The following ALDH8A1 variants were observed in gnomAD, a reference collection of about 807,000 sequenced individuals.
ALDH8A1 encodes the protein 2-aminomuconic semialdehyde dehydrogenase.
In ALDH8A1, 39 loss-of-function variants were observed where a neutral mutation model predicts 43.3. That is an observed-to-expected ratio of 0.90 (90% CI 0.70 to 1.18). The LOEUF is 1.18. ALDH8A1 is among the 50% of genes most tolerant of loss of function. The probability of loss-of-function intolerance (pLI) is 0.00; values close to 1 mark genes in which losing one functional copy is unlikely to be tolerated. For synonymous variants in ALDH8A1, 233 were observed against 243.5 expected (o/e 0.96, Z 0.40); for missense variants, 605 against 622.6 (o/e 0.97, Z 0.30).
intron 6 of ALDH8A1, among the ~76,000 whole-genome samples, chr6:134,927,981 G>A (rs1211664674): frequency 6.6e-6 from 1 of 152,130 alleles, no homozygotes; most frequent in Non-Finnish European, 1.5e-5. Context: ...GGACATTCTG[G>A]AGACCACTGC....
chr6:134,946,785 C>T lies in ALDH8A1; in HGVS notation c.139-2819G>A, dbSNP rs550461059. 2.9e-3 allele frequency among the ~76,000 whole-genome samples: 436 copies of T among 148,834 alleles called. 3 individuals are homozygous for T. Among genetic ancestry groups the T allele is most frequent in the African/African-American group, 0.011 (408 of 38,432 alleles). On this transcript the variant is annotated intron_variant, in intron 1 of 6. Transcript: ENST00000265605. ...GCACACAGGTGCGCATGTGTGCGCG[C>T]GCGCACAGGTGCGCATGTGTGCGTG...
At chr6:134,946,544 AG>A (rs2114712135) in intron 1 of ALDH8A1, among the ~76,000 whole-genome samples, 1 of 152,368 alleles carries the variant, frequency 6.6e-6, no homozygotes, top group East Asian at 1.9e-4. Context: ...CCAAGCACTA[AG>A]GGCTTTAAGC....
chr6:134,921,394 A>G (rs2114675998), intron 6 of ALDH8A1, among the ~76,000 whole-genome samples: 1 of 152,276 alleles, frequency 6.6e-6, no homozygotes, highest in East Asian at 1.9e-4. Flanking sequence ...TCAAGTAGGG[A>G]AGGACTCAGC....
intron 1 of ALDH8A1, among the ~76,000 whole-genome samples, chr6:134,947,590 A>C (rs1044696737): frequency 3.3e-5 from 5 of 152,126 alleles, no homozygotes; most frequent in Admixed American, 1.3e-4. Context: ...CAAATGATCT[A>C]AAGAGATATT....
In ALDH8A1 at chr6:134,932,971, C is replaced by T. The variant is rs764352261; in HGVS notation, c.654G>A (p.Leu218=). Residue 218 remains leucine (L), a synonymous_variant, in exon 5 of 7, where the codon CTG becomes CTA. Coordinates refer to ENST00000265605, the MANE Select transcript of ALDH8A1 (RefSeq NM_022568.4). ...FGTGPRVGEA[L]VSHPEVPLIS... is the part of the protein sequence containing the mutation. The stretch of plus-strand genomic sequence containing the variant: ...TCAGGGGCACCTCTGGGTGGGACAC[C>T]AGGGCCTCACCCACCCTGGGCCCGG... 8 of 1,612,338 alleles carry T rather than the reference C, an allele frequency of 5.0e-6. No homozygotes were observed. The South Asian group carries it at 7.7e-5, about 16-fold the overall frequency.
chr6:134,931,263 GT>G (rs1199314261), intron 5 of ALDH8A1, among the ~76,000 whole-genome samples: 1 of 152,026 alleles, frequency 6.6e-6, no homozygotes, highest in Admixed American at 6.6e-5. Flanking sequence ...TGTTTTGTTT[GT>G]TTGTTTGTTT....
At chr6:134,947,944 T>C (rs986256275) in intron 1 of ALDH8A1, among the ~76,000 whole-genome samples, 3 of 152,128 alleles carry the variant, frequency 2.0e-5, no homozygotes, top group African/African-American at 7.2e-5. Context: ...AAGAGATACC[T>C]GTACCCCCAT....
intron 4 of ALDH8A1, among the ~76,000 whole-genome samples, chr6:134,937,701 A>G (rs1773769752): frequency 6.6e-6 from 1 of 152,154 alleles, no homozygotes; most frequent in Admixed American, 6.5e-5. Context: ...GGCCTAGTCC[A>G]CTCTGGGGAA....
rs9494125 is a variant in ALDH8A1, at chr6:134,944,313, C to T, written c.139-347G>A. On this transcript the variant is annotated intron_variant, in intron 1 of 6. Transcript: ENST00000265605. ...TGAGTTCCTGAATACAAGTGAACCA[C>T]TCGCCTCGGCCTCCCAAAGTGCTGG... is the stretch of plus-strand genomic sequence containing the variant. The T allele has an allele frequency of 2.9e-3, 543 of 187,850 alleles. 3 individuals carry two copies. Among genetic ancestry groups the T allele is most frequent in the African/African-American group, 0.012 (521 of 42,402 alleles). 11.6% of individuals were successfully genotyped at this position (187,850 alleles called of 1,614,324 possible). A position where few individuals can be genotyped will look rare whatever the true frequency, so the allele number is the denominator to read the frequency against.
intron 4 of ALDH8A1, 107 bp downstream of exon 4, chr6:134,939,159 A>G: frequency 3.3e-6 from 5 of 1,496,228 alleles, no homozygotes; most frequent in Non-Finnish European, 4.5e-6. Context: ...AGAAAGACAA[A>G]GCCCATGATG....
intron 1 of ALDH8A1, among the ~76,000 whole-genome samples, chr6:134,944,870 C>G (rs1352551107): frequency 6.6e-6 from 1 of 150,930 alleles, no homozygotes; most frequent in Non-Finnish European, 1.5e-5. Context: ...GCCTAGGTGA[C>G]AGAGTAAGAC....
At chr6:134,927,322 G>A (rs1197231496) in intron 6 of ALDH8A1, among the ~76,000 whole-genome samples, 1 of 152,012 alleles carries the variant, frequency 6.6e-6, no homozygotes, top group African/African-American at 2.4e-5. Flanking sequence ...AGAAGAAGAA[G>A]AAGAAGAAGC....
At chr6:134,940,369 C>A in intron 3 of ALDH8A1, 1 of 193,090 alleles carries the variant, frequency 5.2e-6, no homozygotes, top group Admixed American at 5.8e-5. Context: ...GCTGTTATTT[C>A]TTCTAACATG....
chr6:134,921,762 C>A (rs770066091), intron 6 of ALDH8A1, among the ~76,000 whole-genome samples: 105 of 152,224 alleles, frequency 6.9e-4, no homozygotes, highest in Non-Finnish European at 1.2e-3. Flanking sequence ...ATGCAGATGG[C>A]AGCCCAGTCT....
At position 134,929,057 on chromosome 6, in the gene ALDH8A1, C is replaced by A; in HGVS notation, c.1008G>T (p.Glu336Asp). 4 of 1,613,108 alleles carry A rather than the reference C, an allele frequency of 2.5e-6. No individual in the cohort carries two copies. The highest frequency in any genetic ancestry group is 3.4e-6 in the Non-Finnish European group (4 of 1,179,738). ...IGALISKAHL[E>D]KVRSYVKRAL... is the part of the protein sequence containing the mutation. The stretch of plus-strand genomic sequence containing the variant: ...TACATGGCAGAAATTTACTTACTTT[C>A]TCCAAATGTGCTTTACTTATCAGAG... Residue 336 changes from glutamate (E) to aspartate (D), a missense_variant, in exon 6 of 7, where the codon GAG (glutamate) becomes GAT (aspartate). Glu to Asp is a conservative substitution (Grantham distance 45). Transcript: ENST00000265605.
At chr6:134,934,901 T>G (rs1773702048) in intron 4 of ALDH8A1, among the ~76,000 whole-genome samples, 1 of 152,252 alleles carries the variant, frequency 6.6e-6, no homozygotes, top group Non-Finnish European at 1.5e-5. Flanking sequence ...TGGTTGTTTG[T>G]GTTACTTGTA....
chr6:134,924,531 G>A (rs965332330), intron 6 of ALDH8A1, among the ~76,000 whole-genome samples: 2 of 151,984 alleles, frequency 1.3e-5, no homozygotes, highest in Non-Finnish European at 2.9e-5. Context: ...AAAAACCCTC[G>A]TCTTCCTTTA....
Position 134,932,992 on chromosome 6 carries a change from C to T in ALDH8A1, c.633G>A (p.Gly211=), listed in dbSNP as rs1177519515. ...ACACCAGGGCCTCACCCACCCTGGG[C>T]CCGGTTCCAAACACAATATTGACCA... ...PGVVNIVFGT[G]PRVGEALVSH... Residue 211 remains glycine (G), a synonymous_variant, in exon 5 of 7, where the codon GGG becomes GGA. Coordinates refer to ENST00000265605, the MANE Select transcript of ALDH8A1 (RefSeq NM_022568.4). 1.9e-6 allele frequency: 3 copies of T among 1,606,600 alleles called. No homozygotes were observed. The highest frequency in any genetic ancestry group is 2.5e-6 in the Non-Finnish European group (3 of 1,176,602).
In ALDH8A1 at chr6:134,918,585, G is replaced by A. The variant is rs761253933; in HGVS notation, c.1294C>T (p.His432Tyr). The A allele has an allele frequency of 2.5e-6, 4 of 1,614,040 alleles. No individual in the cohort carries two copies. Among genetic ancestry groups the A allele is most frequent in the African/African-American group, 2.7e-5 (2 of 74,908 alleles). Residue 432 changes from histidine (H) to tyrosine (Y), a missense_variant, in exon 7 of 7, where the codon CAC becomes TAC. By Grantham distance (83) the His-to-Tyr change is moderately conservative (BLOSUM62 2). Coordinates refer to ENST00000265605, the MANE Select transcript of ALDH8A1 (RefSeq NM_022568.4). ...GACTGCAGCTTCTTAGCCACCCGGT[G>A]GACGCGCCCCACATTGCTGGACCAC... Reference protein sequence around the residue: ...TVWSSNVGRVHRVAKKLQSGL... With the variant: ...TVWSSNVGRVYRVAKKLQSGL...
Sources: gnomAD v4.1 joint callset for allele counts (sites outside exome capture counted in the v4.1 genomes callset) on GRCh38, gnomAD v4.1.1 for gene constraint, MANE v1.5 for transcripts, NCBI Gene and HGNC (gene_info 2026-07-23, HGNC 2026-07-21) for gene names.